Variants in GNAT3 observed in about 807,000 individuals in gnomAD.
The protein encoded by GNAT3 is G protein subunit alpha transducin 3, also known as guanine nucleotide-binding protein G(t) subunit alpha-3.
GNAT3 carries 31 observed loss-of-function variants against 37.7 expected under a neutral mutation model. That is an observed-to-expected ratio of 0.82 (90% confidence interval 0.62 to 1.11). The LOEUF (loss-of-function observed/expected upper bound fraction) is 1.11. GNAT3 is among the 50% of genes most tolerant of loss of function. The pLI is 0.00. For synonymous variants in GNAT3, 138 were observed against 139.8 expected (o/e 0.99, Z 0.09); for missense variants, 437 against 412.5 (o/e 1.06, Z -0.51).
chr7:80,499,756 GT>G (rs1269214923), intron 1 of GNAT3, among the ~76,000 whole-genome samples: 1 of 152,012 alleles, frequency 6.6e-6, no homozygotes, highest in African/African-American at 2.4e-5. Flanking sequence ...GATTCATCAT[GT>G]TTTGGAACTA....
chr7:80,501,287 T>A (rs1790828499), intron 1 of GNAT3, among the ~76,000 whole-genome samples: 2 of 152,058 alleles, frequency 1.3e-5, no homozygotes, highest in African/African-American at 4.8e-5. Flanking sequence ...CCTTTCTGAA[T>A]TATTTGTCCT....
At chr7:80,502,185 A>T (rs1039798776) in intron 1 of GNAT3, among the ~76,000 whole-genome samples, 2 of 152,064 alleles carry the variant, frequency 1.3e-5, no homozygotes, top group African/African-American at 4.8e-5. Flanking sequence ...GGAGAAGTCT[A>T]CTGTGTGGAT....
intron 3 of GNAT3, among the ~76,000 whole-genome samples, chr7:80,481,835 A>G (rs1790396477): frequency 3.3e-5 from 5 of 152,234 alleles, no homozygotes; most frequent in Admixed American, 3.3e-4. Context: ...CTTTCTACTG[A>G]TTCTAGGCCT....
intron 1 of GNAT3, among the ~76,000 whole-genome samples, chr7:80,502,582 A>G (rs1032599974): frequency 3.3e-5 from 5 of 152,098 alleles, no homozygotes; most frequent in African/African-American, 1.2e-4. Flanking sequence ...ATATCTGGAC[A>G]AAGGAAAATA....
chr7:80,502,503 AG>A (rs1790852053), intron 1 of GNAT3, among the ~76,000 whole-genome samples: 1 of 152,108 alleles, frequency 6.6e-6, no homozygotes, highest in Non-Finnish European at 1.5e-5. Context: ...ACTATTTTTT[AG>A]TATAAATACA....
chr7:80,510,566 A>T (rs897319199), intron 1 of GNAT3, among the ~76,000 whole-genome samples: 4 of 152,114 alleles, frequency 2.6e-5, no homozygotes, highest in African/African-American at 9.7e-5. Flanking sequence ...AACTAACAGA[A>T]TTCTATGGTG....
chr7:80,511,861 C>CT lies in GNAT3; in HGVS notation c.65dup (p.Leu23AlafsTer6), dbSNP rs750180256. 1 of 1,612,404 alleles carries CT rather than the reference C, an allele frequency of 6.2e-7. No individual in the cohort carries two copies. Among genetic ancestry groups the CT allele is most frequent in the South Asian group, 1.1e-5 (1 of 90,890 alleles). ...CATCTCGCTCAGCATCCTCCTGAAG[C>CT]TTTTTCTCCAGTTCTTTTGATCTTT... is the stretch of plus-strand genomic sequence containing the variant. On this transcript the variant is annotated frameshift_variant, in exon 1 of 8. Transcript: ENST00000398291. LOFTEE classifies it high-confidence loss of function.
At chr7:80,480,445 G>C (rs1790375171) in intron 3 of GNAT3, among the ~76,000 whole-genome samples, 1 of 152,052 alleles carries the variant, frequency 6.6e-6, no homozygotes, top group South Asian at 2.1e-4. Context: ...TACAGGAAAG[G>C]GGTCCCAATC....
At chr7:80,463,059 A>T (rs1790077063) in intron 5 of GNAT3, among the ~76,000 whole-genome samples, 1 of 152,176 alleles carries the variant, frequency 6.6e-6, no homozygotes, top group Non-Finnish European at 1.5e-5. Context: ...TCATTTACTC[A>T]AACAATTATT....
intron 1 of GNAT3, among the ~76,000 whole-genome samples, chr7:80,500,691 A>G (rs1194204546): frequency 6.6e-6 from 1 of 152,096 alleles, no homozygotes. Flanking sequence ...CTGACTAAGG[A>G]AATTCTCTTC....
intron 7 of GNAT3, among the ~76,000 whole-genome samples, chr7:80,460,234 T>C (rs1790027563): frequency 6.6e-6 from 1 of 152,108 alleles, no homozygotes; most frequent in Non-Finnish European, 1.5e-5. Context: ...ATGCTACATG[T>C]CATATGATTC....
At chr7:80,496,111 C>T (rs1790711096) in intron 1 of GNAT3, among the ~76,000 whole-genome samples, 1 of 152,100 alleles carries the variant, frequency 6.6e-6, no homozygotes, top group South Asian at 2.1e-4. Context: ...GTCACAAATT[C>T]TTTGCCTAGG....
chr7:80,492,288 G>C (rs1790608904), intron 2 of GNAT3, among the ~76,000 whole-genome samples: 1 of 152,000 alleles, frequency 6.6e-6, no homozygotes, highest in Admixed American at 6.6e-5. Flanking sequence ...AGGTTGCAGT[G>C]AGCCAAGATT....
At chr7:80,473,168 A>T (rs1790247536) in intron 5 of GNAT3, among the ~76,000 whole-genome samples, 1 of 152,138 alleles carries the variant, frequency 6.6e-6, no homozygotes, top group Admixed American at 6.6e-5. Context: ...CCAAGAGAGG[A>T]TGTTGATCCC....
intron 3 of GNAT3, among the ~76,000 whole-genome samples, chr7:80,479,831 C>A (rs1790363936): frequency 1.3e-5 from 2 of 151,196 alleles, no homozygotes; most frequent in Admixed American, 1.3e-4. Context: ...GCCTCGTAAT[C>A]ATATAAAGAA....
intron 3 of GNAT3, among the ~76,000 whole-genome samples, chr7:80,482,617 G>A (rs1050526134): frequency 6.0e-5 from 9 of 150,684 alleles, no homozygotes; most frequent in South Asian, 2.1e-4. Flanking sequence ...ACTTTCAAGC[G>A]ATTCTCCTGC....
At chr7:80,469,243 G>A (rs938117697) in intron 5 of GNAT3, among the ~76,000 whole-genome samples, 11 of 152,092 alleles carry the variant, frequency 7.2e-5, no homozygotes, top group African/African-American at 2.7e-4. Context: ...GAAATCTAAA[G>A]CTCTGTGTTG....
intron 2 of GNAT3, among the ~76,000 whole-genome samples, chr7:80,493,988 T>C (rs989513655): frequency 6.6e-6 from 1 of 152,162 alleles, no homozygotes; most frequent in African/African-American, 2.4e-5. Context: ...TTTACTTCTT[T>C]TTAGCCACAA....
At chr7:80,495,548 C>A (rs1047158409) in intron 1 of GNAT3, among the ~76,000 whole-genome samples, 1 of 151,884 alleles carries the variant, frequency 6.6e-6, no homozygotes, top group Non-Finnish European at 1.5e-5. Flanking sequence ...CAGCTCACTG[C>A]GACCTCCACC....
Sources: gnomAD v4.1 joint callset for allele counts (sites outside exome capture counted in the v4.1 genomes callset) on GRCh38, gnomAD v4.1.1 for gene constraint, MANE v1.5 for transcripts, NCBI Gene and HGNC (gene_info 2026-07-23, HGNC 2026-07-21) for gene names.